The following RAPGEF4 variants were observed in gnomAD, a reference collection of about 807,000 sequenced individuals.
RAPGEF4 encodes Rap guanine nucleotide exchange factor 4.
A neutral mutation model predicts 147.9 loss-of-function variants in RAPGEF4; 66 were observed. That is an observed-to-expected ratio of 0.45 (90% confidence interval 0.37 to 0.55). The LOEUF (loss-of-function observed/expected upper bound fraction) is 0.55. Ranked by LOEUF, RAPGEF4 falls within the 20% of genes least tolerant of loss-of-function variation. The pLI, the probability that RAPGEF4 is intolerant of heterozygous loss-of-function variation, is 0.00. For synonymous variants in RAPGEF4, 419 were observed against 442.7 expected, an observed-to-expected ratio of 0.95 and a Z score of 0.67; for missense variants, 1,071 against 1,257.3, an observed-to-expected ratio of 0.85 and a Z score of 2.24.
At chr2:172,964,256 C>T (rs1203571928) in intron 8 of RAPGEF4, among the ~76,000 whole-genome samples, 1 of 152,082 alleles carries the variant, frequency 6.6e-6, no homozygotes, top group Non-Finnish European at 1.5e-5. Context: ...ATGGCCTTCT[C>T]AGTACACCCT....
At chr2:172,893,177 C>T (rs762477018) in intron 4 of RAPGEF4, among the ~76,000 whole-genome samples, 7 of 152,172 alleles carry the variant, frequency 4.6e-5, no homozygotes, top group Non-Finnish European at 8.8e-5. Context: ...TGGAAATGGT[C>T]AGCTGTGGGT....
chr2:172,840,001 C>T (rs1691405558), intron 4 of RAPGEF4, among the ~76,000 whole-genome samples: 1 of 152,178 alleles, frequency 6.6e-6, no homozygotes, highest in Non-Finnish European at 1.5e-5. Context: ...TTTCTGTTCT[C>T]TTAAGTGCTA....
intron 4 of RAPGEF4, among the ~76,000 whole-genome samples, chr2:172,886,867 C>T (rs1490608490): frequency 1.3e-5 from 2 of 152,140 alleles, no homozygotes; most frequent in African/African-American, 4.8e-5. Flanking sequence ...TCCACTTTTA[C>T]GTGGGAAAGC....
intron 4 of RAPGEF4, among the ~76,000 whole-genome samples, chr2:172,834,610 TC>T (rs1368891709): frequency 6.6e-6 from 1 of 152,088 alleles, no homozygotes; most frequent in African/African-American, 2.4e-5. Flanking sequence ...ACTGCTTTTT[TC>T]TTCTTCTTCT....
chr2:172,842,038 T>C (rs889652696), intron 4 of RAPGEF4, among the ~76,000 whole-genome samples: 1 of 152,176 alleles, frequency 6.6e-6, no homozygotes, highest in Non-Finnish European at 1.5e-5. Context: ...TGCATTTTAC[T>C]CGGGAGGCTA....
chr2:172,987,727 C>T (rs1380686200), intron 12 of RAPGEF4, among the ~76,000 whole-genome samples: 1 of 152,192 alleles, frequency 6.6e-6, no homozygotes, highest in African/African-American at 2.4e-5. Flanking sequence ...GCTTGAGCAT[C>T]TGTGGATTTT....
chr2:172,743,404 C>G (rs1694474276), intron 1 of RAPGEF4, among the ~76,000 whole-genome samples: 1 of 152,312 alleles, frequency 6.6e-6, no homozygotes, highest in Middle Eastern at 3.4e-3. Flanking sequence ...AAAGTGCTGC[C>G]ACTACTCTCT....
chr2:173,016,351 G>A lies in RAPGEF4; in HGVS notation c.1812G>A (p.Glu604=), dbSNP rs1437775189. The change falls in exon 19 of 31, where the codon GAG becomes GAA. Residue 604 remains glutamate (E), a splice_region_variant and synonymous_variant. Transcript: ENST00000397081. ...CCTGTGACTTTTGCCAATTACAGGA[G>A]TTTTATGTATCTGTATCAGATGATG... The part of the protein sequence containing the change: ...EDDVSMAFLE[E]FYVSVSDDAR... 1.2e-6 allele frequency: 2 copies of A among 1,611,486 alleles called. No individual in the cohort carries two copies. The highest frequency in any genetic ancestry group is 1.7e-5 in the Admixed American group (1 of 59,998).
At chr2:173,034,071 C>A in intron 27 of RAPGEF4, 107 bp downstream of exon 27, 1 of 1,065,634 alleles carries the variant, frequency 9.4e-7, no homozygotes, top group Non-Finnish European at 1.4e-6. Flanking sequence ...CCTTATATGA[C>A]TTTAAGAAGT....
Position 172,988,063 on chromosome 2 carries a change from A to G in RAPGEF4, c.1151-133A>G, listed in dbSNP as rs1262903976. ...TAATGTGCCACCTGAACAAGTTAATATTTGCCAGTGATGTTTCTCGAATTT... is the reference window on the plus strand; with the variant it reads ...TAATGTGCCACCTGAACAAGTTAATGTTTGCCAGTGATGTTTCTCGAATTT... On this transcript the variant is annotated intron_variant, in intron 12 of 30. Transcript: ENST00000397081. 3.0e-6 allele frequency: 4 copies of G among 1,326,086 alleles called. No homozygotes were observed. The African/African-American group carries it at 6.1e-5, about 20-fold the overall frequency. 82.1% of individuals were successfully genotyped at this position (1,326,086 alleles called of 1,614,324 possible).
At chr2:172,869,442 T>C (rs149525315) in intron 4 of RAPGEF4, among the ~76,000 whole-genome samples, 16 of 152,328 alleles carry the variant, frequency 1.1e-4, no homozygotes, top group African/African-American at 3.8e-4. Flanking sequence ...TGCTGTATAT[T>C]AGAAAGCACA....
intron 6 of RAPGEF4, among the ~76,000 whole-genome samples, chr2:172,928,852 G>C (rs1385601314): frequency 6.6e-6 from 1 of 152,134 alleles, no homozygotes; most frequent in Admixed American, 6.6e-5. Context: ...TTTCTCTTTG[G>C]CCAACAGCTT....
chr2:172,997,612 G>T (rs1693497399), intron 16 of RAPGEF4, among the ~76,000 whole-genome samples: 1 of 151,800 alleles, frequency 6.6e-6, no homozygotes, highest in Admixed American at 6.6e-5. Flanking sequence ...TTACCATCTT[G>T]TATATGACTT....
chr2:172,846,206 T>A (rs1692169297), intron 4 of RAPGEF4, among the ~76,000 whole-genome samples: 1 of 152,246 alleles, frequency 6.6e-6, no homozygotes, highest in Non-Finnish European at 1.5e-5. Flanking sequence ...AGCAGTTTTA[T>A]CCTTCCAATC....
chr2:172,894,579 C>T (rs752603777), intron 4 of RAPGEF4, among the ~76,000 whole-genome samples: 6 of 152,134 alleles, frequency 3.9e-5, no homozygotes, highest in South Asian at 2.1e-4. Context: ...ATTTTGGAAA[C>T]GAGCATAAGT....
intron 4 of RAPGEF4, among the ~76,000 whole-genome samples, chr2:172,848,739 G>A (rs139583335): frequency 6.6e-6 from 1 of 152,268 alleles, no homozygotes; most frequent in African/African-American, 2.4e-5. Context: ...TGGGAATATA[G>A]CATGTGTGAA....
At chr2:172,872,381 T>G (rs1485292774) in intron 4 of RAPGEF4, among the ~76,000 whole-genome samples, 1 of 152,196 alleles carries the variant, frequency 6.6e-6, no homozygotes, top group African/African-American at 2.4e-5. Flanking sequence ...AAGGCATCCT[T>G]CAATCCAACT....
intron 4 of RAPGEF4, among the ~76,000 whole-genome samples, chr2:172,829,271 G>A (rs951314): frequency 0.015 from 2,284 of 152,316 alleles, 19 homozygotes; most frequent in South Asian, 0.034. Context: ...TGATACTGGC[G>A]TGGCAAGAGC....
At chr2:172,865,692 A>C (rs1488742316) in intron 4 of RAPGEF4, among the ~76,000 whole-genome samples, 1 of 150,824 alleles carries the variant, frequency 6.6e-6, no homozygotes, top group African/African-American at 2.4e-5. Context: ...GGTAGAGCAC[A>C]CTAGCCTGTC....
Sources: allele counts gnomAD v4.1 joint callset (sites outside exome capture counted in the v4.1 genomes callset), GRCh38; gene constraint gnomAD v4.1.1; transcripts MANE v1.5; gene names NCBI Gene and HGNC (gene_info 2026-07-23, HGNC 2026-07-21).